The following CARMIL2 variants were observed in gnomAD, a reference collection of about 807,000 sequenced individuals.
CARMIL2 encodes capping protein regulator and myosin 1 linker 2.
Under a neutral mutation model 173.3 loss-of-function variants are expected in CARMIL2, and 96 were observed. The ratio of observed to expected loss-of-function variants is 0.55; its 90% CI spans 0.47 to 0.66. CARMIL2 has a LOEUF of 0.66. Ranked by LOEUF, CARMIL2 falls within the 30% of genes least tolerant of loss-of-function variation. CARMIL2 has a pLI of 0.00. For synonymous variants in CARMIL2, 830 were observed against 817.1 expected (o/e 1.02, Z -0.27); for missense variants, 1,771 against 1,906.7 (o/e 0.93, Z 1.33).
chr16:67,649,798 C>A lies in CARMIL2; in HGVS notation c.1920-8C>A. 5 of 1,607,978 alleles carry A rather than the reference C, an allele frequency of 3.1e-6. No homozygotes were observed. The highest frequency in any genetic ancestry group is 4.2e-6 in the Non-Finnish European group (5 of 1,176,730). ...CTCCGTCCCCGACTGAAGCCAGGCCCGGCCCAGGTCTGTGGTCTGGGACCG... is the reference window on the plus strand; with the variant it reads ...CTCCGTCCCCGACTGAAGCCAGGCCAGGCCCAGGTCTGTGGTCTGGGACCG... On this transcript the variant is annotated splice_region_variant and splice_polypyrimidine_tract_variant and intron_variant, in intron 20 of 37. Transcript: ENST00000334583. The surrounding 1 kb of genome is among the most constrained non-coding windows in gnomAD (Gnocchi z 6.7).
chr16:67,656,207 G>A, intron 33 of CARMIL2, 21 bp from the exon 34 acceptor site: 1 of 1,613,844 alleles, frequency 6.2e-7, no homozygotes, highest in Non-Finnish European at 8.5e-7. Flanking sequence ...TGGTACCTGA[G>A]TCCCCAGCTC....
Position 67,652,596 on chromosome 16 carries a change from T to A in CARMIL2, c.2884+58T>A. 6.5e-6 allele frequency: 10 copies of A among 1,538,452 alleles called. No individual in the cohort carries two copies. The South Asian group carries it at 1.1e-4, about 18-fold the overall frequency. On this transcript the variant is annotated intron_variant, in intron 28 of 37. Transcript: ENST00000334583. This position sits in a 1 kb window ranked among gnomAD's most constrained non-coding sequence, Gnocchi z 4.7. The stretch of plus-strand genomic sequence containing the variant: ...TGGGTGGGCTGAAGCTCCATTAGAC[T>A]TGGGGACCCGGGGACCTGGATGAAC...
intron 21 of CARMIL2, 35 bp downstream of exon 21, chr16:67,650,003 A>T (rs1467810765): frequency 6.2e-7 from 1 of 1,613,624 alleles, no homozygotes; most frequent in South Asian, 1.1e-5. Context: ...CCTTCTCTGC[A>T]CGGTAACTCC....
At chr16:67,647,803 T>TGGGGGTGGGGGGGGGGGGGG in intron 12 of CARMIL2, 37 bp downstream of exon 12, 1 of 258,388 alleles carries the variant, frequency 3.9e-6, no homozygotes, top group Non-Finnish European at 6.3e-6. Flanking sequence ...GGGAGGGGGG[T>TGGGGGTGGGGGGGGGGGGGG]GGGGGTCTGT....
At position 67,646,118 on chromosome 16, in the gene CARMIL2, G is replaced by A. The variant is rs773463675; in HGVS notation, c.249+38G>A. ...GTACCCTACCTGGGCCTGCAGCCTGGTCTTCATGCTACCACCATCACCTGC... is the reference window on the plus strand; with the variant it reads ...GTACCCTACCTGGGCCTGCAGCCTGATCTTCATGCTACCACCATCACCTGC... On this transcript the variant is annotated intron_variant, in intron 4 of 37. Transcript: ENST00000334583. This position sits in a 1 kb window ranked among gnomAD's most constrained non-coding sequence, Gnocchi z 4.6. The A allele has an allele frequency of 1.2e-6, 2 of 1,613,824 alleles. No homozygotes were observed. Among genetic ancestry groups the A allele is most frequent in the Non-Finnish European group, 1.7e-6 (2 of 1,179,874 alleles).
chr16:67,647,724 C>G lies in CARMIL2; in HGVS notation c.916C>G (p.Leu306Val). 6.3e-7 allele frequency: 1 copy of G among 1,591,872 alleles called. No individual in the cohort carries two copies. Among genetic ancestry groups the G allele is most frequent in the African/African-American group, 1.4e-5 (1 of 72,852 alleles). Residue 306 changes from leucine (L) to valine (V), a missense_variant, in exon 12 of 38, where the codon CTG (leucine) becomes GTG (valine). Leu to Val is a conservative substitution (Grantham distance 32). Coordinates refer to ENST00000334583, the MANE Select transcript of CARMIL2 (RefSeq NM_001013838.3). ...ACACCTCGAGCGTTGTCCAGGAGCCCTGAGGAGACTCAGCCTGGCCCAGAC... is the reference window on the plus strand; with the variant it reads ...ACACCTCGAGCGTTGTCCAGGAGCCGTGAGGAGACTCAGCCTGGCCCAGAC... ...SRHLERCPGA[L>V]RRLSLAQTGL... is the part of the protein sequence containing the mutation.
At chr16:67,654,088 G>GC (rs2052784125) in intron 29 of CARMIL2, 61 bp from the exon 30 acceptor site, 2 of 1,110,026 alleles carry the variant, frequency 1.8e-6, no homozygotes, top group African/African-American at 1.7e-5. Context: ...GCCGGGGGGG[G>GC]GGGGGGGTAG....
chr16:67,652,158 C>A lies in CARMIL2; in HGVS notation c.2677-41C>A. On this transcript the variant is annotated intron_variant, in intron 26 of 37. Transcript: ENST00000334583. This position sits in a 1 kb window ranked among gnomAD's most constrained non-coding sequence, Gnocchi z 4.7. ...TTAGTTAGCATCAATGGGATCATGGCTGAGGCCCTACCTGCCATCTTTGGC... is the reference window on the plus strand; with the variant it reads ...TTAGTTAGCATCAATGGGATCATGGATGAGGCCCTACCTGCCATCTTTGGC... 1 of 1,605,730 alleles carries A rather than the reference C, an allele frequency of 6.2e-7. No homozygotes were observed. The highest frequency in any genetic ancestry group is 8.5e-7 in the Non-Finnish European group (1 of 1,176,712).
Position 67,648,260 on chromosome 16 carries a change from G to A in CARMIL2, c.1280G>A (p.Gly427Asp), listed in dbSNP as rs2052639649. 2 of 1,599,810 alleles carry A rather than the reference G, an allele frequency of 1.3e-6. No homozygotes were observed. The highest frequency in any genetic ancestry group is 1.7e-6 in the Non-Finnish European group (2 of 1,176,856). The change falls in exon 14 of 38, where the codon GGC (glycine) becomes GAC (aspartate). Residue 427 changes from glycine to aspartate, a missense_variant. Physicochemically the swap from Gly to Asp is moderately conservative, Grantham distance 94. Around this residue, in one of 3 missense-constraint regions of CARMIL2, gnomAD observed 944 missense variants for 975.6 expected, o/e 0.97. Coordinates refer to ENST00000334583, the MANE Select transcript of CARMIL2 (RefSeq NM_001013838.3). This position sits in a 1 kb window ranked among gnomAD's most constrained non-coding sequence, Gnocchi z 6.1. ...PPQLFAAVSR[G>D]CCTSLTHLDA... ...CAGCTCTTCGCAGCGGTATCCCGAG[G>A]CTGCTGCACCAGCCTTACCCACCTC...
Position 67,647,395 on chromosome 16 carries a change from G to T in CARMIL2, c.776+8G>T. ...GACCTGCAGCCTGAGGGGGTGAGGG[G>T]GACAGGGCAGGGCTTGGAGAGGAGA... On this transcript the variant is annotated splice_region_variant and intron_variant, in intron 10 of 37. Transcript: ENST00000334583. 1.3e-6 allele frequency: 2 copies of T among 1,570,736 alleles called. No homozygotes were observed.
In CARMIL2 at chr16:67,646,934, G is replaced by A. The variant is rs776891500; in HGVS notation, c.572G>A (p.Arg191His). 9.3e-6 allele frequency: 15 copies of A among 1,613,554 alleles called. 1 individual carries two copies. In the African/African-American group the frequency reaches 1.1e-4, roughly 11 times the overall value. ...VDTIYHRQGCRHFSLGDFSHL... is the reference protein window; with the variant it reads ...VDTIYHRQGCHHFSLGDFSHL... ...ACCATTTACCATCGCCAGGGCTGCC[G>A]CCATTTCAGCCTGGGAGACTTCAGC... Residue 191 changes from arginine (R) to histidine (H), a missense_variant, in exon 8 of 38, where the codon CGC becomes CAC. This residue lies in a region of CARMIL2 where 944 missense variants were observed against 975.6 expected (regional missense o/e 0.97). Transcript: ENST00000334583. This position sits in a 1 kb window ranked among gnomAD's most constrained non-coding sequence, Gnocchi z 4.6.
rs1285957756 is a variant in CARMIL2, at chr16:67,653,991, C to T, written c.3121-158C>T. On this transcript the variant is annotated intron_variant, in intron 29 of 37. Coordinates refer to ENST00000334583, the MANE Select transcript of CARMIL2 (RefSeq NM_001013838.3). This position sits in a 1 kb window ranked among gnomAD's most constrained non-coding sequence, Gnocchi z 7.4. The stretch of plus-strand genomic sequence containing the variant: ...GTGCGTGAAATCTGGAGTCTCTGTC[C>T]AGCAGCAGGACAGTAGGAGGCTGGT... Among the ~76,000 whole-genome samples the T allele has an allele frequency of 3.3e-5, 5 of 150,380 alleles. No individual in the cohort carries two copies. The highest frequency in any genetic ancestry group is 4.9e-5 in the African/African-American group (2 of 40,786).
In CARMIL2 at chr16:67,657,566, G is replaced by C; in HGVS notation, c.*48G>C. On this transcript the variant is annotated 3_prime_UTR_variant, in exon 38 of 38. Transcript: ENST00000334583. This position sits in a 1 kb window ranked among gnomAD's most constrained non-coding sequence, Gnocchi z 4.5. ...AGATTATTTTATTAAAAAACTCAAA[G>C]GAAGCAGAGTGTGGAGCGGTATCTG... The C allele has an allele frequency of 6.2e-7, 1 of 1,614,004 alleles. No homozygotes were observed. The highest frequency in any genetic ancestry group is 8.5e-7 in the Non-Finnish European group (1 of 1,179,884).
rs546586729 is a variant in CARMIL2, at chr16:67,651,797, C to G, written c.2540C>G (p.Pro847Arg). 1.2e-6 allele frequency: 2 copies of G among 1,610,134 alleles called. No homozygotes were observed. The highest frequency in any genetic ancestry group is 1.7e-6 in the Non-Finnish European group (2 of 1,178,822). ...GTCCTGGCAGGCTCGAGGGGCCTCC[C>G]GGAGCTGCTCCCAGAGCAGCTGCTG... ...EGVLAGSRGLPELLPEQLLQD... is the reference protein window; with the variant it reads ...EGVLAGSRGLRELLPEQLLQD... Residue 847 changes from proline (P) to arginine (R), a missense_variant, in exon 25 of 38, where the codon CCG becomes CGG. By Grantham distance (103) the Pro-to-Arg change is moderately radical (BLOSUM62 -2). Coordinates refer to ENST00000334583, the MANE Select transcript of CARMIL2 (RefSeq NM_001013838.3). This position sits in a 1 kb window ranked among gnomAD's most constrained non-coding sequence, Gnocchi z 4.2.
chr16:67,648,347 G>A lies in CARMIL2; in HGVS notation c.1334+33G>A. On this transcript the variant is annotated intron_variant, in intron 14 of 37. Coordinates refer to ENST00000334583, the MANE Select transcript of CARMIL2 (RefSeq NM_001013838.3). This position sits in a 1 kb window ranked among gnomAD's most constrained non-coding sequence, Gnocchi z 6.1. ...GGACCTGTCGGGGCCGGGGGAGGCTGCTGGAAGCCGCCTCCTTGCGGCCCC... is the reference window on the plus strand; with the variant it reads ...GGACCTGTCGGGGCCGGGGGAGGCTACTGGAAGCCGCCTCCTTGCGGCCCC... 1 of 1,561,854 alleles carries A rather than the reference G, an allele frequency of 6.4e-7. No individual in the cohort carries two copies. Among genetic ancestry groups the A allele is most frequent in the South Asian group, 1.2e-5 (1 of 86,652 alleles).
chr16:67,653,066 G>T lies in CARMIL2; in HGVS notation c.2932G>T (p.Glu978Ter). 7.9e-7 allele frequency: 1 copy of T among 1,263,234 alleles called. No homozygotes were observed. The highest frequency in any genetic ancestry group is 1.0e-6 in the Non-Finnish European group (1 of 994,120). 78.3% of individuals were successfully genotyped at this position (1,263,234 alleles called of 1,614,324 possible). A position where few individuals can be genotyped will look rare whatever the true frequency, so the allele number is the denominator to read the frequency against. The change falls in exon 29 of 38, where the codon GAA (glutamate) becomes TAA (stop). Residue 978 changes from glutamate to a stop codon, truncating the protein, a stop_gained. Coordinates refer to ENST00000334583, the MANE Select transcript of CARMIL2 (RefSeq NM_001013838.3). LOFTEE classifies it high-confidence loss of function. The surrounding 1 kb of genome is among the most constrained non-coding windows in gnomAD (Gnocchi z 7.4). ...EPEPELAAPG[E>*]DAEPQAGPSA... ...GGAGCCCGAGCTGGCGGCTCCGGGAGAAGATGCAGAGCCGCAGGCGGGGCC... is the reference window on the plus strand; with the variant it reads ...GGAGCCCGAGCTGGCGGCTCCGGGATAAGATGCAGAGCCGCAGGCGGGGCC...
chr16:67,657,528 C>G lies in CARMIL2; in HGVS notation c.*10C>G. ...CGGCCCCAATCCCTGATCCTCTCCT[C>G]TCCTGCCGCATGAGATTATTTTATT... is the stretch of plus-strand genomic sequence containing the variant. On this transcript the variant is annotated 3_prime_UTR_variant, in exon 38 of 38. Transcript: ENST00000334583. The surrounding 1 kb of genome is among the most constrained non-coding windows in gnomAD (Gnocchi z 4.5). 2 of 1,613,736 alleles carry G rather than the reference C, an allele frequency of 1.2e-6. No homozygotes were observed. The highest frequency in any genetic ancestry group is 1.7e-6 in the Non-Finnish European group (2 of 1,179,742).
At position 67,654,432 on chromosome 16, in the gene CARMIL2, C is replaced by T. The variant is rs199743637; in HGVS notation, c.3322C>T (p.Arg1108Cys). ...CACCCTCTTTGCCTTCAAGAAGCCT[C>T]GTTCAACGCGGGGTCCACGGACTGA... ...LGTLFAFKKP[R>C]STRGPRTDLE... The change falls in exon 31 of 38, where the codon CGT (arginine) becomes TGT (cysteine). Residue 1108 changes from arginine (R) to cysteine (C), a missense_variant. Arg to Cys is a radical substitution (Grantham distance 180). Coordinates refer to ENST00000334583, the MANE Select transcript of CARMIL2 (RefSeq NM_001013838.3). 4.3e-6 allele frequency: 7 copies of T among 1,612,266 alleles called. No individual in the cohort carries two copies. The Admixed American group carries it at 1.2e-4, about 27-fold the overall frequency.
Position 67,653,364 on chromosome 16 carries a change from GC to G in CARMIL2, c.3120+112del. On this transcript the variant is annotated intron_variant, in intron 29 of 37. Coordinates refer to ENST00000334583, the MANE Select transcript of CARMIL2 (RefSeq NM_001013838.3). The surrounding 1 kb of genome is among the most constrained non-coding windows in gnomAD (Gnocchi z 7.4). ...GGAGAGGGGGTGGTGGGGGCCCAAGGCCACCTGGTCGTGCGGCCGCGGTCAC... is the reference window on the plus strand; with the variant it reads ...GGAGAGGGGGTGGTGGGGGCCCAAGGCACCTGGTCGTGCGGCCGCGGTCAC... 1 of 379,790 alleles carries G rather than the reference GC, an allele frequency of 2.6e-6. No individual in the cohort carries two copies. 23.5% of individuals were successfully genotyped at this position (379,790 alleles called of 1,614,324 possible).
Sources: allele counts gnomAD v4.1 joint callset (sites outside exome capture counted in the v4.1 genomes callset), GRCh38; gene constraint gnomAD v4.1.1; regional missense constraint gnomAD v4.1.1; non-coding constraint Gnocchi (gnomAD v3.1); transcripts MANE v1.5; gene names NCBI Gene and HGNC (gene_info 2026-07-23, HGNC 2026-07-21).